STAU1: variants seen among roughly 807,000 people sequenced by gnomAD.
STAU1 encodes the protein double-stranded RNA-binding protein Staufen homolog 1.
A neutral mutation model predicts 62.9 loss-of-function variants in STAU1; 13 were observed. That is an observed-to-expected ratio of 0.21 (90% confidence interval 0.13 to 0.33). The LOEUF (loss-of-function observed/expected upper bound fraction) is 0.33. STAU1 is among the 10% of genes least tolerant of loss of function. The probability of loss-of-function intolerance (pLI) is 1.00; values close to 1 mark genes in which losing one functional copy is unlikely to be tolerated. For missense variants in STAU1, 571 were observed against 712.1 expected, an observed-to-expected ratio of 0.80 and a Z score of 2.25; for synonymous variants, 269 against 265.1, an observed-to-expected ratio of 1.01 and a Z score of -0.14.
chr20:49,132,233 C>T (rs927749001), intron 6 of STAU1, among the ~76,000 whole-genome samples: 4 of 152,280 alleles, frequency 2.6e-5, no homozygotes, highest in African/African-American at 9.6e-5. Flanking sequence ...TTTCCCTGTC[C>T]TCAGGTTAGA....
At chr20:49,195,925 G>GAAAAAGGA in the STAU1 span, among the ~76,000 whole-genome samples, 17 of 93,722 alleles carry the variant, frequency 1.8e-4, no homozygotes, top group Non-Finnish European at 3.0e-4. Context: ...AAAGAAAAAA[G>GAAAAAGGA]AAAAAAAAAA....
the STAU1 span, among the ~76,000 whole-genome samples, chr20:49,208,907 C>A: frequency 6.6e-6 from 1 of 151,672 alleles, no homozygotes; most frequent in Admixed American, 6.6e-5. Context: ...CAGGCGTGAG[C>A]CACTGCGCCC....
chr20:49,169,006 A>G (rs1316846490), intron 2 of STAU1, among the ~76,000 whole-genome samples: 1 of 149,782 alleles, frequency 6.7e-6, no homozygotes, highest in East Asian at 2.0e-4. Flanking sequence ...GGTGGAGTGC[A>G]GTGGTGTGAT....
chr20:49,192,186 A>G (rs1055642270), upstream of STAU1, among the ~76,000 whole-genome samples: 2 of 151,898 alleles, frequency 1.3e-5, no homozygotes, highest in Non-Finnish European at 2.9e-5. Context: ...CTCTACTAAA[A>G]ATACAAAAAA....
At chr20:49,182,784 A>G (rs2093741530) in intron 1 of STAU1, among the ~76,000 whole-genome samples, 2 of 150,458 alleles carry the variant, frequency 1.3e-5, no homozygotes, top group African/African-American at 4.9e-5. Context: ...GCTTGCAGTG[A>G]GCCGAGATCA....
the STAU1 span, among the ~76,000 whole-genome samples, chr20:49,217,601 A>T: frequency 6.6e-6 from 1 of 151,170 alleles, no homozygotes; most frequent in Non-Finnish European, 1.5e-5. Context: ...AAGACCACAC[A>T]GTAAGGAGCA....
At chr20:49,125,225 C>T (rs1002268039) in intron 6 of STAU1, among the ~76,000 whole-genome samples, 2 of 35,426 alleles carry the variant, frequency 5.6e-5, no homozygotes, top group Non-Finnish European at 1.2e-4. Context: ...AAAAAAAAAA[C>T]GAAGGATAAA....
intron 5 of STAU1, among the ~76,000 whole-genome samples, chr20:49,145,792 A>G (rs2093118776): frequency 6.6e-6 from 1 of 152,052 alleles, no homozygotes; most frequent in Admixed American, 6.6e-5. Flanking sequence ...CAGATAATCA[A>G]GAGGCAAAAG....
chr20:49,174,865 C>T (rs573414743), intron 1 of STAU1, among the ~76,000 whole-genome samples: 79 of 144,784 alleles, frequency 5.5e-4, no homozygotes, highest in Non-Finnish European at 1.0e-3. Flanking sequence ...ACCCGGGAGA[C>T]GGAGCTTGCA....
intron 2 of STAU1, among the ~76,000 whole-genome samples, chr20:49,172,768 C>T (rs1411296460): frequency 6.6e-6 from 1 of 152,160 alleles, no homozygotes; most frequent in Non-Finnish European, 1.5e-5. Context: ...TGGCAATCCA[C>T]TCCCCTGTGC....
chr20:49,123,848 A>G (rs2092527843), intron 7 of STAU1, among the ~76,000 whole-genome samples: 1 of 152,240 alleles, frequency 6.6e-6, no homozygotes, highest in African/African-American at 2.4e-5. Flanking sequence ...ATATACTGAA[A>G]ATCACAAAGT....
intron 13 of STAU1, among the ~76,000 whole-genome samples, 190 bp from the exon 14 acceptor site, chr20:49,115,083 G>A (rs563761426): frequency 6.6e-6 from 1 of 152,148 alleles, no homozygotes; most frequent in East Asian, 1.9e-4. Flanking sequence ...ACTTATCTCT[G>A]TGGGGGGAAA....
chr20:49,170,091 T>G (rs2093577865), intron 2 of STAU1, among the ~76,000 whole-genome samples: 1 of 152,146 alleles, frequency 6.6e-6, no homozygotes, highest in Non-Finnish European at 1.5e-5. Context: ...TTTTTTAAAT[T>G]ATACATGATG....
chr20:49,193,592 A>T, the STAU1 span, among the ~76,000 whole-genome samples: 1 of 152,120 alleles, frequency 6.6e-6, no homozygotes, highest in East Asian at 1.9e-4. Flanking sequence ...AATCGCTTGA[A>T]CGCGGGAGGC....
chr20:49,162,083 C>G (rs929312184), intron 3 of STAU1, among the ~76,000 whole-genome samples: 2 of 152,234 alleles, frequency 1.3e-5, no homozygotes, highest in Non-Finnish European at 2.9e-5. Context: ...CAACATGCCA[C>G]TACCATCTCT....
intron 7 of STAU1, among the ~76,000 whole-genome samples, chr20:49,123,488 G>A (rs1047731770): frequency 3.9e-5 from 6 of 151,998 alleles, no homozygotes; most frequent in South Asian, 2.1e-4. Context: ...TGACTGCGAC[G>A]GCTGTTTTTT....
Position 49,162,648 on chromosome 20 carries a change from C to A in STAU1, c.205+3349G>T, listed in dbSNP as rs189457285. 3.6e-3 allele frequency among the ~76,000 whole-genome samples: 546 copies of A among 150,838 alleles called. 3 individuals are homozygous for A. Among genetic ancestry groups the A allele is most frequent in the African/African-American group, 0.013 (527 of 41,086 alleles). On this transcript the variant is annotated intron_variant, in intron 3 of 13. Coordinates refer to ENST00000371856, the MANE Select transcript of STAU1 (RefSeq NM_017453.4). ...AAAATTAGCCGGGCATGGTGGCGGG[C>A]GCCTGTAGTCCCAGCTACTCAGGAG...
chr20:49,138,383 T>C (rs1379173982), intron 5 of STAU1, among the ~76,000 whole-genome samples: 1 of 152,178 alleles, frequency 6.6e-6, no homozygotes, highest in South Asian at 2.1e-4. Flanking sequence ...TTATTCCAGA[T>C]GCTCTTTGTA....
chr20:49,183,187 T>C (rs1773643471), intron 1 of STAU1, among the ~76,000 whole-genome samples: 1 of 152,200 alleles, frequency 6.6e-6, no homozygotes, highest in African/African-American at 2.4e-5. Flanking sequence ...AATAACCTGT[T>C]ATAGGTCTAG....
Sources: gnomAD v4.1 joint callset for allele counts (sites outside exome capture counted in the v4.1 genomes callset) on GRCh38, gnomAD v4.1.1 for gene constraint, MANE v1.5 for transcripts, NCBI Gene and HGNC (gene_info 2026-07-23, HGNC 2026-07-21) for gene names.